The following TENT4B variants were observed in gnomAD, a reference collection of about 807,000 sequenced individuals.
TENT4B encodes PAP associated domain containing 5.
A neutral mutation model predicts 75.0 loss-of-function variants in TENT4B; 10 were observed. The ratio of observed to expected loss-of-function variants is 0.13; its 90% CI spans 0.08 to 0.23. The LOEUF is 0.23. TENT4B is among the 10% of genes least tolerant of loss of function. The pLI, the probability that TENT4B is intolerant of heterozygous loss-of-function variation, is 1.00. For missense variants in TENT4B, 579 were observed against 893.8 expected, an observed-to-expected ratio of 0.65 and a Z score of 4.49; for synonymous variants, 350 against 357.7, an observed-to-expected ratio of 0.98 and a Z score of 0.24.
chr16:50,157,377 A>G (rs2037920683), intron 1 of TENT4B, among the ~76,000 whole-genome samples: 1 of 152,206 alleles, frequency 6.6e-6, no homozygotes. Context: ...TGCTCTTGGT[A>G]TAGCCCACTT....
At chr16:50,189,362 C>T (rs1360626268) in intron 1 of TENT4B, among the ~76,000 whole-genome samples, 1 of 152,062 alleles carries the variant, frequency 6.6e-6, no homozygotes, top group Admixed American at 6.6e-5. Context: ...ATTGCAAGTG[C>T]GTTATGGCAA....
At position 50,232,634 on chromosome 16, in the gene TENT4B, G is replaced by A. The variant is rs1328413425; in HGVS notation, c.*3306G>A. On this transcript the variant is annotated 3_prime_UTR_variant, in exon 12 of 12. Transcript: ENST00000561678. ...GGGTCAGAAAAGAGTAATGACCACC[G>A]TGACGTGCAGGATTCTCTTGCTGTG... 4.5e-5 allele frequency: 44 copies of A among 985,180 alleles called. No individual in the cohort carries two copies. The highest frequency in any genetic ancestry group is 4.9e-5 in the Non-Finnish European group (41 of 829,920). 61.0% of individuals were successfully genotyped at this position (985,180 alleles called of 1,614,324 possible).
intron 1 of TENT4B, among the ~76,000 whole-genome samples, chr16:50,207,507 A>G (rs1164305152): frequency 6.6e-6 from 1 of 152,156 alleles, no homozygotes; most frequent in East Asian, 1.9e-4. Flanking sequence ...ACATAAAAAC[A>G]TTGATATCCT....
At position 50,178,362 on chromosome 16, in the gene TENT4B, T is replaced by C. The variant is rs754621674; in HGVS notation, c.638+24103T>C. Reference sequence around the variant, plus strand: ...TATATGGCTGAAGTGGGAGGATTGCTTGAGCCCTGGAGGTTGAGGCTACAT... The same window carrying C: ...TATATGGCTGAAGTGGGAGGATTGCCTGAGCCCTGGAGGTTGAGGCTACAT... On this transcript the variant is annotated intron_variant, in intron 1 of 11. Coordinates refer to ENST00000561678, the MANE Select transcript of TENT4B (RefSeq NM_001365324.3). Among the ~76,000 whole-genome samples, 157 of 151,930 alleles carry C rather than the reference T, an allele frequency of 1.0e-3. 5 individuals are homozygous for C. Among genetic ancestry groups the C allele is most frequent in the Non-Finnish European group, 2.8e-4 (19 of 68,004 alleles).
At chr16:50,197,925 G>A (rs1157458468) in intron 1 of TENT4B, among the ~76,000 whole-genome samples, 9 of 152,092 alleles carry the variant, frequency 5.9e-5, no homozygotes, top group Admixed American at 5.9e-4. Flanking sequence ...CTTAAAATAT[G>A]TAAGGAGACA....
At chr16:50,214,015 G>C (rs2031421656) in intron 2 of TENT4B, among the ~76,000 whole-genome samples, 1 of 152,256 alleles carries the variant, frequency 6.6e-6, no homozygotes, top group Non-Finnish European at 1.5e-5. Flanking sequence ...TATTGAACCA[G>C]ATAAGTTTAA....
chr16:50,158,815 A>G (rs569160417), intron 1 of TENT4B, among the ~76,000 whole-genome samples: 4 of 152,280 alleles, frequency 2.6e-5, no homozygotes, highest in Admixed American at 2.0e-4. Flanking sequence ...TTAAACTAGG[A>G]TGGTGGGAAT....
In TENT4B at chr16:50,154,050, C is replaced by T; in HGVS notation, c.429C>T (p.Ala143=). The T allele has an allele frequency of 6.5e-7, 1 of 1,531,132 alleles. No individual in the cohort carries two copies. Among genetic ancestry groups the T allele is most frequent in the South Asian group, 1.2e-5 (1 of 83,380 alleles). The allele number at this position is 1,531,132 out of a possible 1,614,324, so 94.8% of individuals were successfully genotyped here. A position where few individuals can be genotyped will look rare whatever the true frequency, so the allele number is the denominator to read the frequency against. ...CGTCCTCGTCCCCGCACCCTTCGGCCGCCGTCCCCGCCGCCGATCCAGCCG... is the reference window on the plus strand; with the variant it reads ...CGTCCTCGTCCCCGCACCCTTCGGCTGCCGTCCCCGCCGCCGATCCAGCCG... ...PSASSSPHPS[A]AVPAADPADS... Residue 143 remains alanine, a synonymous_variant, in exon 1 of 12, where the codon GCC becomes GCT. Transcript: ENST00000561678.
chr16:50,169,132 A>G (rs1029185697), intron 1 of TENT4B, among the ~76,000 whole-genome samples: 13 of 152,216 alleles, frequency 8.5e-5, no homozygotes, highest in African/African-American at 3.1e-4. Context: ...AAGTTTGCTC[A>G]AATCAAAATC....
At chr16:50,166,780 A>ATTTT (rs57856238) in intron 1 of TENT4B, among the ~76,000 whole-genome samples, 3 of 115,272 alleles carry the variant, frequency 2.6e-5, no homozygotes, top group African/African-American at 6.2e-5. Flanking sequence ...TGCCTGGCTA[A>ATTTT]TTTTTTTTTT....
At chr16:50,169,484 A>G (rs1448630354) in intron 1 of TENT4B, among the ~76,000 whole-genome samples, 3 of 133,152 alleles carry the variant, frequency 2.3e-5, no homozygotes, top group African/African-American at 8.6e-5. Flanking sequence ...TTTTTGTGGT[A>G]TTAGTTATTA....
At chr16:50,224,190 A>G (rs1457936766) in intron 7 of TENT4B, among the ~76,000 whole-genome samples, 8 of 152,200 alleles carry the variant, frequency 5.3e-5, no homozygotes, top group Non-Finnish European at 1.0e-4. Context: ...GAAACATTAC[A>G]TTGATTGGGA....
At chr16:50,168,815 T>G (rs780667447) in intron 1 of TENT4B, among the ~76,000 whole-genome samples, 11 of 151,740 alleles carry the variant, frequency 7.2e-5, no homozygotes, top group Non-Finnish European at 1.0e-4. Context: ...CTGGCTAGTT[T>G]TTGTATTTTT....
chr16:50,201,723 A>C (rs1331541986), intron 1 of TENT4B, among the ~76,000 whole-genome samples: 2 of 151,546 alleles, frequency 1.3e-5, no homozygotes, highest in Non-Finnish European at 2.9e-5. Context: ...CGCACCTGTA[A>C]TTTCAGCTGC....
chr16:50,190,561 T>A (rs1699737652), intron 1 of TENT4B, among the ~76,000 whole-genome samples: 1 of 152,074 alleles, frequency 6.6e-6, no homozygotes, highest in African/African-American at 2.4e-5. Flanking sequence ...TGGCTTCTTT[T>A]ACCTAGCATA....
intron 1 of TENT4B, among the ~76,000 whole-genome samples, chr16:50,206,444 G>A (rs534971717): frequency 1.4e-5 from 2 of 145,180 alleles, no homozygotes; most frequent in South Asian, 2.2e-4. Flanking sequence ...GACAGTTATC[G>A]AATAGAACTT....
intron 1 of TENT4B, among the ~76,000 whole-genome samples, chr16:50,196,464 TTAG>T (rs2030248881): frequency 6.6e-6 from 1 of 150,728 alleles, no homozygotes. Flanking sequence ...AGCCATATAC[TTAG>T]AGTAGCTTTT....
At chr16:50,223,653 G>A (rs1188208398) in intron 7 of TENT4B, among the ~76,000 whole-genome samples, 1 of 152,152 alleles carries the variant, frequency 6.6e-6, no homozygotes, top group East Asian at 1.9e-4. Flanking sequence ...ATTTGGATGG[G>A]TTCATGTTTG....
At chr16:50,220,726 T>A (rs2031788489) in intron 5 of TENT4B, among the ~76,000 whole-genome samples, 1 of 151,422 alleles carries the variant, frequency 6.6e-6, no homozygotes, top group Admixed American at 6.6e-5. Flanking sequence ...ATGGGGTTTC[T>A]CCATGTTGGC....
Sources: allele counts gnomAD v4.1 joint callset (sites outside exome capture counted in the v4.1 genomes callset), GRCh38; gene constraint gnomAD v4.1.1; transcripts MANE v1.5; gene names NCBI Gene and HGNC (gene_info 2026-07-23, HGNC 2026-07-21).